The following PIWIL2 variants were observed in gnomAD, a reference collection of about 807,000 sequenced individuals.
The protein encoded by PIWIL2 is piwi like RNA-mediated gene silencing 2.
Under a neutral mutation model 116.5 loss-of-function variants are expected in PIWIL2, and 81 were observed. The observed-to-expected ratio is 0.70, with a 90% confidence interval of 0.58 to 0.84. The LOEUF (loss-of-function observed/expected upper bound fraction) is 0.84. Ranked by LOEUF, PIWIL2 falls within the 40% of genes least tolerant of loss-of-function variation. PIWIL2 has a pLI of 0.00. For missense variants in PIWIL2, 1,272 were observed against 1,212.3 expected, an observed-to-expected ratio of 1.05 and a Z score of -0.73; for synonymous variants, 489 against 429.5, an observed-to-expected ratio of 1.14 and a Z score of -1.71.
intron 19 of PIWIL2, among the ~76,000 whole-genome samples, chr8:22,316,910 T>A (rs762543739): frequency 1.3e-5 from 2 of 151,674 alleles, no homozygotes; most frequent in Non-Finnish European, 2.9e-5. Flanking sequence ...CACCTCAGCC[T>A]CCCGAGTAGC....
In PIWIL2 at chr8:22,355,342, C is replaced by T. The variant is rs1586606224; in HGVS notation, c.2766-7C>T. The T allele has an allele frequency of 1.2e-6, 2 of 1,613,856 alleles. No individual in the cohort carries two copies. The highest frequency in any genetic ancestry group is 2.2e-5 in the East Asian group (1 of 44,874). ...GATGAGAATTATATTTTCTTCTTGG[C>T]CTACAGGCTGACTTTCAAACTGTGC... On this transcript the variant is annotated splice_polypyrimidine_tract_variant and splice_region_variant and intron_variant, in intron 22 of 22. Transcript: ENST00000356766.
rs373116342 is a variant in PIWIL2 at position 22,283,209 on chromosome 8, C to T, written c.601C>T (p.Pro201Ser). The change falls in exon 5 of 23, where the codon CCT (proline) becomes TCT (serine). Residue 201 changes from proline (P) to serine (S), a missense_variant. By Grantham distance (74) the Pro-to-Ser change is moderately conservative (BLOSUM62 -1). Transcript: ENST00000356766. ...GTCTCCCCTGCACTCTCCAGATCGC[C>T]CTCTGGTCCTGACTGTGGAACACAA... ...PQSPLHSPDR[P>S]LVLTVEHKEK... The T allele has an allele frequency of 1.0e-4, 169 of 1,614,040 alleles. 2 individuals carry two copies. The Middle Eastern group carries it at 1.2e-3, about 11-fold the overall frequency.
intron 20 of PIWIL2, among the ~76,000 whole-genome samples, chr8:22,339,793 A>G (rs913698161): frequency 4.6e-5 from 7 of 152,216 alleles, no homozygotes; most frequent in Admixed American, 1.3e-4. Context: ...ACACAACCCA[A>G]TTTTAAAATG....
At chr8:22,285,892 G>T (rs1830618412) in intron 6 of PIWIL2, among the ~76,000 whole-genome samples, 1 of 152,042 alleles carries the variant, frequency 6.6e-6, no homozygotes, top group Non-Finnish European at 1.5e-5. Context: ...TAATCCACCT[G>T]CCTCGGCCTC....
In PIWIL2 at chr8:22,290,362, G is replaced by C; in HGVS notation, c.1181+16G>C. 7.0e-7 allele frequency: 1 copy of C among 1,429,552 alleles called. No individual in the cohort carries two copies. Among genetic ancestry groups the C allele is most frequent in the African/African-American group, 1.4e-5 (1 of 71,608 alleles). 88.6% of individuals were successfully genotyped at this position (1,429,552 alleles called of 1,614,324 possible). A position where few individuals can be genotyped will look rare whatever the true frequency, so the allele number is the denominator to read the frequency against. On this transcript the variant is annotated intron_variant, in intron 10 of 22. Transcript: ENST00000356766. ...TGGATGTCATGTGAGTGAATGGTGG[G>C]GTCTATCTTTAACATGCTGATGATT...
At position 22,288,712 on chromosome 8, in the gene PIWIL2, T is replaced by C. The variant is rs532301605; in HGVS notation, c.986+46T>C. The C allele has an allele frequency of 3.9e-6, 6 of 1,538,676 alleles. No homozygotes were observed. The African/African-American group carries it at 5.5e-5, about 14-fold the overall frequency. On this transcript the variant is annotated intron_variant, in intron 8 of 22. Coordinates refer to ENST00000356766, the MANE Select transcript of PIWIL2 (RefSeq NM_018068.5). Reference sequence around the variant, plus strand: ...CTATTGTCCTGTAACTTCAGTCTTGTATTTACAGTAATGTTCTTCAAGATA... The same window carrying C: ...CTATTGTCCTGTAACTTCAGTCTTGCATTTACAGTAATGTTCTTCAAGATA...
rs367664520 is a variant in PIWIL2 at position 22,287,489 on chromosome 8, G to T, written c.744-39G>T. 7.7e-6 allele frequency: 10 copies of T among 1,295,916 alleles called. No homozygotes were observed. The African/African-American group carries it at 1.5e-4, about 19-fold the overall frequency. 80.3% of individuals were successfully genotyped at this position (1,295,916 alleles called of 1,614,324 possible). Reference sequence around the variant, plus strand: ...ACAGCTCTGGTAAAGATTGCAGTTTGAGTCAAGTTAAAGGAAAATCCTCTT... The same window carrying T: ...ACAGCTCTGGTAAAGATTGCAGTTTTAGTCAAGTTAAAGGAAAATCCTCTT... On this transcript the variant is annotated intron_variant, in intron 6 of 22. Transcript: ENST00000356766.
At position 22,318,050 on chromosome 8, in the gene PIWIL2, G is replaced by C. The variant is rs933019464; in HGVS notation, c.2298-120G>C. 7 of 607,804 alleles carry C rather than the reference G, an allele frequency of 1.2e-5. No homozygotes were observed. In the East Asian group the frequency reaches 1.7e-4, roughly 14 times the overall value. The allele number at this position is 607,804 out of a possible 1,614,324, so 37.7% of individuals were successfully genotyped here. The stretch of plus-strand genomic sequence containing the variant: ...TTCTTACATATAAATGCATTTTCTA[G>C]GTACTTGTTTTTGGATTGATTGGTA... On this transcript the variant is annotated intron_variant, in intron 19 of 22. Transcript: ENST00000356766.
rs1361404236 is a variant in PIWIL2 at position 22,283,249 on chromosome 8, G to A, written c.632+9G>A. On this transcript the variant is annotated intron_variant, in intron 5 of 22. Coordinates refer to ENST00000356766, the MANE Select transcript of PIWIL2 (RefSeq NM_018068.5). ...GTGGAACACAAGGAAAAGTAAGTCA[G>A]GAGCACTGCCTTCTCTACTTAGTAA... The A allele has an allele frequency of 6.3e-7, 1 of 1,598,860 alleles. No homozygotes were observed. The highest frequency in any genetic ancestry group is 1.7e-5 in the Admixed American group (1 of 59,984).
chr8:22,331,032 C>G (rs1211520760), intron 20 of PIWIL2, among the ~76,000 whole-genome samples: 1 of 151,876 alleles, frequency 6.6e-6, no homozygotes, highest in Non-Finnish European at 1.5e-5. Context: ...AAAAATTAGC[C>G]TGGTGTGGTG....
At chr8:22,289,647 T>G (rs1830712212) in intron 8 of PIWIL2, among the ~76,000 whole-genome samples, 200 bp from the exon 9 acceptor site, 1 of 152,260 alleles carries the variant, frequency 6.6e-6, no homozygotes, top group Non-Finnish European at 1.5e-5. Context: ...GCTGTCATTT[T>G]GCTTTGCTTT....
intron 8 of PIWIL2, among the ~76,000 whole-genome samples, chr8:22,288,980 T>G: frequency 6.6e-6 from 1 of 152,152 alleles, no homozygotes; most frequent in Non-Finnish European, 1.5e-5. Flanking sequence ...AGGGGGCTAC[T>G]TAAAGAGGTT....
intron 20 of PIWIL2, among the ~76,000 whole-genome samples, chr8:22,320,607 T>G (rs890779251): frequency 3.3e-5 from 5 of 151,272 alleles, no homozygotes; most frequent in African/African-American, 1.2e-4. Context: ...CTTCTTTTTT[T>G]GAGACGGAAT....
At chr8:22,310,164 T>G (rs1831293678) in intron 15 of PIWIL2, 90 bp downstream of exon 15, 3 of 693,856 alleles carry the variant, frequency 4.3e-6, no homozygotes, top group South Asian at 3.7e-5. Flanking sequence ...TCTTCTTTTT[T>G]GAGGGAAAGT....
intron 20 of PIWIL2, among the ~76,000 whole-genome samples, chr8:22,343,096 G>A (rs551495743): frequency 1.3e-5 from 2 of 151,774 alleles, no homozygotes; most frequent in South Asian, 2.1e-4. Flanking sequence ...GTGAAACCCC[G>A]TCTCTACTAA....
At chr8:22,289,112 T>C (rs1026115312) in intron 8 of PIWIL2, among the ~76,000 whole-genome samples, 2 of 152,168 alleles carry the variant, frequency 1.3e-5, no homozygotes, top group Non-Finnish European at 2.9e-5. Flanking sequence ...TATTCTCTTA[T>C]TTAATGAAAC....
intron 20 of PIWIL2, among the ~76,000 whole-genome samples, chr8:22,346,385 C>T (rs1375276773): frequency 6.6e-6 from 1 of 152,200 alleles, no homozygotes. Flanking sequence ...CCTTCGCATG[C>T]TTGGCTGATT....
At chr8:22,294,253 G>A (rs187752617) in intron 10 of PIWIL2, among the ~76,000 whole-genome samples, 49 of 149,196 alleles carry the variant, frequency 3.3e-4, no homozygotes, top group Non-Finnish European at 4.4e-4. Flanking sequence ...CACGAGAATC[G>A]CTTGAACCCG....
intron 20 of PIWIL2, 77 bp from the exon 21 acceptor site, chr8:22,352,882 T>C (rs1300192737): frequency 2.8e-6 from 4 of 1,415,118 alleles, no homozygotes; most frequent in South Asian, 2.6e-5. Context: ...GGCTACACAA[T>C]GCGAGTGGGC....
Sources: allele counts gnomAD v4.1 joint callset (sites outside exome capture counted in the v4.1 genomes callset), GRCh38; gene constraint gnomAD v4.1.1; transcripts MANE v1.5; gene names NCBI Gene and HGNC (gene_info 2026-07-23, HGNC 2026-07-21).